The following DENND4C variants were observed in gnomAD, a reference collection of about 807,000 sequenced individuals.
DENND4C encodes the protein DENN domain-containing protein 4C.
DENND4C carries 108 observed loss-of-function variants against 203.0 expected under a neutral mutation model. The ratio of observed to expected loss-of-function variants is 0.53; its 90% CI spans 0.46 to 0.62. The LOEUF (loss-of-function observed/expected upper bound fraction) is 0.62. Ranked by LOEUF, DENND4C falls within the 20% of genes least tolerant of loss-of-function variation. DENND4C has a pLI of 0.00. For synonymous variants in DENND4C, 871 were observed against 792.4 expected, an observed-to-expected ratio of 1.10 and a Z score of -1.67; for missense variants, 2,481 against 2,301.2, an observed-to-expected ratio of 1.08 and a Z score of -1.60.
intron 22 of DENND4C, among the ~76,000 whole-genome samples, chr9:19,343,441 C>G (rs1302301817): frequency 6.6e-6 from 1 of 152,226 alleles, no homozygotes; most frequent in Non-Finnish European, 1.5e-5. Context: ...GTGGTGGCTG[C>G]AGTTGACTTT....
At position 19,324,382 on chromosome 9, in the gene DENND4C, C is replaced by A; in HGVS notation, c.1828C>A (p.Arg610Ser). Reference protein sequence around the residue: ...DRQGFLKSRDRAYAKFYTLLS... With the variant: ...DRQGFLKSRDSAYAKFYTLLS... Reference sequence around the variant, plus strand: ...CTCAGGATTTTTAAAAAGTCGAGATCGTGCCTATGCAAAATTCTATACCCT... The same window carrying A: ...CTCAGGATTTTTAAAAAGTCGAGATAGTGCCTATGCAAAATTCTATACCCT... The change falls in exon 13 of 33, where the codon CGT (arginine) becomes AGT (serine). Residue 610 changes from arginine to serine, a missense_variant. Physicochemically the swap from Arg to Ser is moderately radical, Grantham distance 110 (BLOSUM62 -1). This residue lies in a region of DENND4C where 2,289 missense variants were observed against 2,113.3 expected (regional missense o/e 1.08). Transcript: ENST00000434457. 6.2e-7 allele frequency: 1 copy of A among 1,601,232 alleles called. No homozygotes were observed. Among genetic ancestry groups the A allele is most frequent in the Non-Finnish European group, 8.5e-7 (1 of 1,176,602 alleles).
chr9:19,231,061 T>G (rs1368537968), intron 1 of DENND4C, among the ~76,000 whole-genome samples: 1 of 152,180 alleles, frequency 6.6e-6, no homozygotes, highest in African/African-American at 2.4e-5. Flanking sequence ...TCCTGCGGGA[T>G]GCAGTCGGGG....
chr9:19,287,040 T>C lies in DENND4C; in HGVS notation c.558+19T>C. 8.1e-7 allele frequency: 1 copy of C among 1,232,002 alleles called. No homozygotes were observed. Among genetic ancestry groups the C allele is most frequent in the Non-Finnish European group, 1.0e-6 (1 of 987,928 alleles). The allele number at this position is 1,232,002 out of a possible 1,614,324, so 76.3% of individuals were successfully genotyped here. The stretch of plus-strand genomic sequence containing the variant: ...TGGAATGGTAAGAATAAAGTTTTCA[T>C]CTTCAAAGTTTCATATGAAACCAAA... On this transcript the variant is annotated intron_variant, in intron 3 of 32. Coordinates refer to ENST00000434457, the MANE Select transcript of DENND4C (RefSeq NM_001330640.2).
intron 12 of DENND4C, among the ~76,000 whole-genome samples, chr9:19,317,898 A>C (rs1432392739): frequency 6.6e-6 from 1 of 152,238 alleles, no homozygotes; most frequent in African/African-American, 2.4e-5. Flanking sequence ...CATGACTTGG[A>C]AGAATGGGTA....
At chr9:19,249,343 C>A (rs1014936988) in intron 1 of DENND4C, among the ~76,000 whole-genome samples, 2 of 151,714 alleles carry the variant, frequency 1.3e-5, no homozygotes, top group African/African-American at 4.8e-5. Context: ...ACCTCCACCT[C>A]CTGGGTTCAA....
At chr9:19,336,533 A>T (rs1820514383) in intron 19 of DENND4C, 119 bp downstream of exon 19, 27 of 1,439,986 alleles carry the variant, frequency 1.9e-5, no homozygotes, top group Non-Finnish European at 2.5e-5. Context: ...ACATACATTT[A>T]AAGACAGATT....
intron 10 of DENND4C, among the ~76,000 whole-genome samples, chr9:19,310,804 A>T (rs1840590305): frequency 1.3e-5 from 2 of 152,172 alleles, no homozygotes; most frequent in Non-Finnish European, 2.9e-5. Context: ...GGAAAAAAAA[A>T]ACCTTTTTGT....
chr9:19,332,403 C>G (rs1198448423), intron 17 of DENND4C, among the ~76,000 whole-genome samples: 3 of 152,010 alleles, frequency 2.0e-5, no homozygotes, highest in Non-Finnish European at 2.9e-5. Context: ...GTCACCCAGG[C>G]TGGAGTTCAG....
chr9:19,263,585 G>C (rs1829862151), intron 1 of DENND4C, among the ~76,000 whole-genome samples: 1 of 151,202 alleles, frequency 6.6e-6, no homozygotes, highest in Admixed American at 6.6e-5. Flanking sequence ...TCTTGAATTA[G>C]GTTTGCTATT....
At chr9:19,249,771 C>T (rs1439742795) in intron 1 of DENND4C, among the ~76,000 whole-genome samples, 1 of 152,162 alleles carries the variant, frequency 6.6e-6, no homozygotes, top group Non-Finnish European at 1.5e-5. Context: ...AATCCTCTTG[C>T]CTCAGCCTCC....
chr9:19,238,914 AAGTGCTG>A (rs1822985831), intron 1 of DENND4C, among the ~76,000 whole-genome samples: 1 of 150,886 alleles, frequency 6.6e-6, no homozygotes, highest in Admixed American at 6.6e-5. Context: ...CGGCCTCCCA[AAGTGCTG>A]GGATTGCAGG....
At chr9:19,291,724 A>T (rs1034877979) in intron 5 of DENND4C, among the ~76,000 whole-genome samples, 26 of 144,992 alleles carry the variant, frequency 1.8e-4, no homozygotes, top group Admixed American at 1.0e-3. Context: ...AAAAAAAAAT[A>T]GCAGAGATAA....
intron 2 of DENND4C, among the ~76,000 whole-genome samples, chr9:19,283,913 A>T (rs1834677383): frequency 1.3e-5 from 2 of 152,192 alleles, no homozygotes; most frequent in Non-Finnish European, 2.9e-5. Flanking sequence ...TTCTTGAGAC[A>T]CAGAATCATA....
chr9:19,364,349 G>A (rs919757839), intron 30 of DENND4C, among the ~76,000 whole-genome samples: 1 of 152,152 alleles, frequency 6.6e-6, no homozygotes, highest in Non-Finnish European at 1.5e-5. Flanking sequence ...CATTTCTGGA[G>A]AACAATATGG....
At chr9:19,245,265 G>A (rs1285293734) in intron 1 of DENND4C, among the ~76,000 whole-genome samples, 1 of 151,338 alleles carries the variant, frequency 6.6e-6, no homozygotes, top group Non-Finnish European at 1.5e-5. Context: ...TCAGGAGATC[G>A]AGACCATCCT....
intron 26 of DENND4C, among the ~76,000 whole-genome samples, chr9:19,356,089 G>GT (rs932276939): frequency 4.0e-5 from 6 of 151,414 alleles, no homozygotes; most frequent in African/African-American, 9.7e-5. Flanking sequence ...AATTTTAAAG[G>GT]TTTTTTTTCA....
At chr9:19,322,298 G>A (rs1452111146) in intron 12 of DENND4C, among the ~76,000 whole-genome samples, 2 of 152,150 alleles carry the variant, frequency 1.3e-5, no homozygotes, top group Non-Finnish European at 2.9e-5. Flanking sequence ...GAGAAGGCAA[G>A]TAGTACATTC....
At chr9:19,232,561 T>A (rs1820847291) in intron 1 of DENND4C, among the ~76,000 whole-genome samples, 1 of 152,232 alleles carries the variant, frequency 6.6e-6, no homozygotes, top group African/African-American at 2.4e-5. Context: ...AGTAATTTAG[T>A]CCTGTATGCT....
At chr9:19,283,852 C>A (rs1297674407) in intron 2 of DENND4C, among the ~76,000 whole-genome samples, 1 of 152,046 alleles carries the variant, frequency 6.6e-6, no homozygotes, top group Non-Finnish European at 1.5e-5. Context: ...ACTTCTGTCT[C>A]CCAAAGTGCT....
Sources: allele counts gnomAD v4.1 joint callset (sites outside exome capture counted in the v4.1 genomes callset), GRCh38; gene constraint gnomAD v4.1.1; regional missense constraint gnomAD v4.1.1; transcripts MANE v1.5; gene names NCBI Gene and HGNC (gene_info 2026-07-23, HGNC 2026-07-21).